Variants in LYPLAL1 observed in about 807,000 individuals in gnomAD.
The protein encoded by LYPLAL1 is lysophospholipase-like protein 1.
LYPLAL1 carries 23 observed loss-of-function variants against 19.7 expected under a neutral mutation model. That is an observed-to-expected ratio of 1.17 (90% CI 0.84 to 1.65). LYPLAL1 has a LOEUF of 1.65. Ranked by LOEUF, LYPLAL1 falls within the 40% of genes most tolerant of loss-of-function variation. LYPLAL1 has a pLI of 0.00. For synonymous variants in LYPLAL1, 119 were observed against 96.3 expected (o/e 1.24, Z -1.38); for missense variants, 355 against 279.4 (o/e 1.27, Z -1.93).
the LYPLAL1 span, among the ~76,000 whole-genome samples, chr1:219,241,098 ATC>A: frequency 7.0e-3 from 413 of 59,156 alleles, 6 homozygotes; most frequent in African/African-American, 0.014. Flanking sequence ...AATATATATA[ATC>A]TCTCTCTCTC....
the LYPLAL1 span, among the ~76,000 whole-genome samples, chr1:219,260,509 T>A: frequency 6.6e-6 from 1 of 151,400 alleles, no homozygotes; most frequent in Non-Finnish European, 1.5e-5. Context: ...TTACAAGAAA[T>A]ACTTGATAAA....
the LYPLAL1 span, among the ~76,000 whole-genome samples, chr1:219,288,230 A>G: frequency 1.3e-5 from 2 of 152,224 alleles, no homozygotes; most frequent in African/African-American, 4.8e-5. Context: ...GTTCTTCAGT[A>G]GGTGAATGGT....
the LYPLAL1 span, among the ~76,000 whole-genome samples, chr1:219,338,834 A>G: frequency 6.6e-6 from 1 of 151,804 alleles, no homozygotes. Flanking sequence ...TCAATGTTTT[A>G]TGAATTAAGT....
At chr1:219,344,855 C>T in the LYPLAL1 span, among the ~76,000 whole-genome samples, 2 of 152,188 alleles carry the variant, frequency 1.3e-5, no homozygotes, top group Non-Finnish European at 2.9e-5. Context: ...TCCAAACTCG[C>T]TGTATCCTAT....
chr1:219,304,106 C>T, the LYPLAL1 span, among the ~76,000 whole-genome samples: 4 of 152,194 alleles, frequency 2.6e-5, no homozygotes, highest in African/African-American at 9.6e-5. Flanking sequence ...TACCTTCTCT[C>T]TCTCTGATCC....
the LYPLAL1 span, among the ~76,000 whole-genome samples, chr1:219,229,051 C>T: frequency 1.5e-4 from 23 of 151,990 alleles, no homozygotes; most frequent in African/African-American, 5.3e-4. Context: ...TACTAGTATT[C>T]CCATTTTATA....
chr1:219,419,055 TGAA>T, the LYPLAL1 span, among the ~76,000 whole-genome samples: 1 of 152,262 alleles, frequency 6.6e-6, no homozygotes. Flanking sequence ...ATTCACTTAC[TGAA>T]GGACACCTTG....
At chr1:219,245,530 T>C in the LYPLAL1 span, among the ~76,000 whole-genome samples, 3 of 152,308 alleles carry the variant, frequency 2.0e-5, 1 homozygote, top group South Asian at 6.2e-4. Context: ...GATTGTGAAC[T>C]TACATTTAAC....
chr1:219,361,348 G>C, the LYPLAL1 span, among the ~76,000 whole-genome samples: 1 of 152,166 alleles, frequency 6.6e-6, no homozygotes, highest in South Asian at 2.1e-4. Flanking sequence ...TTATCTGTCA[G>C]ATGTGTTTCC....
chr1:219,372,903 C>CA, the LYPLAL1 span, among the ~76,000 whole-genome samples: 3,299 of 144,778 alleles, frequency 0.023, 54 homozygotes, highest in African/African-American at 0.055. Context: ...GACCCCTTCT[C>CA]AAAAAAAAAA....
chr1:219,210,467 G>A, intron 3 of LYPLAL1, 65 bp from the exon 4 acceptor site: 4 of 1,091,206 alleles, frequency 3.7e-6, no homozygotes, highest in Non-Finnish European at 5.3e-6. Flanking sequence ...ATGGAAAATT[G>A]TTATATATCA....
the LYPLAL1 span, among the ~76,000 whole-genome samples, chr1:219,374,803 A>C: frequency 6.6e-6 from 1 of 152,236 alleles, no homozygotes; most frequent in Non-Finnish European, 1.5e-5. Flanking sequence ...GAATAGAATC[A>C]GCATGAGAAT....
the LYPLAL1 span, among the ~76,000 whole-genome samples, chr1:219,284,286 T>G: frequency 6.6e-6 from 1 of 152,304 alleles, no homozygotes; most frequent in East Asian, 1.9e-4. Context: ...CTAATACACA[T>G]GGCTTAATGA....
Position 219,193,085 on chromosome 1 carries a change from A to G in LYPLAL1, c.195A>G (p.Ser65=), listed in dbSNP as rs757172882. Residue 65 remains serine (S), a synonymous_variant, in exon 3 of 5, where the codon TCA becomes TCG. Transcript: ENST00000366928. The part of the protein sequence containing the change: ...KIIYPTAPPR[S]YTPMKGGISN... ...GGGGGGGGCGGTTGTTAAACAGATC[A>G]TATACTCCTATGAAAGGAGGAATCT... 7.5e-6 allele frequency: 12 copies of G among 1,599,808 alleles called. No homozygotes were observed. The highest frequency in any genetic ancestry group is 1.0e-5 in the Non-Finnish European group (12 of 1,171,758).
At chr1:219,358,793 A>G in the LYPLAL1 span, among the ~76,000 whole-genome samples, 2 of 151,950 alleles carry the variant, frequency 1.3e-5, no homozygotes, top group Admixed American at 1.3e-4. Flanking sequence ...CATATCAAGT[A>G]TTATTGCTGT....
downstream of LYPLAL1, among the ~76,000 whole-genome samples, chr1:219,213,533 A>T (rs1204365608): frequency 6.6e-6 from 1 of 151,932 alleles, no homozygotes; most frequent in Non-Finnish European, 1.5e-5. Context: ...ACTATGTTGA[A>T]TCTTCTAATC....
At chr1:219,186,657 C>T (rs577004417) in intron 2 of LYPLAL1, among the ~76,000 whole-genome samples, 152 of 151,770 alleles carry the variant, frequency 1.0e-3, no homozygotes, top group Middle Eastern at 3.4e-3. Context: ...TTACATGGCA[C>T]TTCATTTTTC....
At chr1:219,288,049 C>T in the LYPLAL1 span, among the ~76,000 whole-genome samples, 2 of 152,156 alleles carry the variant, frequency 1.3e-5, no homozygotes, top group African/African-American at 4.8e-5. Flanking sequence ...TACCCAGTCT[C>T]AGGTAGTTCT....
At chr1:219,304,998 T>C in the LYPLAL1 span, among the ~76,000 whole-genome samples, 18 of 152,222 alleles carry the variant, frequency 1.2e-4, no homozygotes, top group African/African-American at 4.3e-4. Flanking sequence ...TGCAAATTTG[T>C]CCTTGCACAG....
Sources: allele counts gnomAD v4.1 joint callset (sites outside exome capture counted in the v4.1 genomes callset), GRCh38; gene constraint gnomAD v4.1.1; transcripts MANE v1.5; gene names NCBI Gene and HGNC (gene_info 2026-07-23, HGNC 2026-07-21).